ZNF462: variants seen among roughly 807,000 people sequenced by gnomAD.
ZNF462 encodes zinc finger protein 462, also known as zinc finger PBX1-interacting protein.
ZNF462 carries 10 observed loss-of-function variants against 201.9 expected under a neutral mutation model. The ratio of observed to expected loss-of-function variants is 0.05; its 90% confidence interval spans 0.03 to 0.08. The LOEUF (loss-of-function observed/expected upper bound fraction) is 0.08. Ranked by LOEUF, ZNF462 falls within the 10% of genes least tolerant of loss-of-function variation. The pLI is 1.00. For missense variants in ZNF462, 2,523 were observed against 3,168.3 expected (o/e 0.80, Z 4.89); for synonymous variants, 1,227 against 1,193.3 (o/e 1.03, Z -0.58).
chr9:106,991,509 T>G (rs1588171000), intron 10 of ZNF462, among the ~76,000 whole-genome samples: 1 of 151,902 alleles, frequency 6.6e-6, no homozygotes, highest in East Asian at 1.9e-4. Context: ...AAAATCCCAG[T>G]AGGCTTTTTG....
Position 106,938,892 on chromosome 9 carries a change from T to C in ZNF462, c.6236-24T>C. 6.3e-7 allele frequency: 1 copy of C among 1,582,438 alleles called. No individual in the cohort carries two copies. Among genetic ancestry groups the C allele is most frequent in the South Asian group, 1.2e-5 (1 of 84,688 alleles). ...CTTCTCCCCTCTTTTTCCTGTTCTA[T>C]TTCTTGTCACCATCCTCTTCCAGGT... On this transcript the variant is annotated intron_variant, in intron 6 of 12. Transcript: ENST00000277225. This position sits in a 1 kb window ranked among gnomAD's most constrained non-coding sequence, Gnocchi z 4.4.
In ZNF462 at chr9:106,929,094, C is replaced by T. The variant is rs1188520818; in HGVS notation, c.5182C>T (p.His1728Tyr). The T allele has an allele frequency of 1.9e-6, 3 of 1,614,048 alleles. No homozygotes were observed. In the African/African-American group the frequency reaches 4.0e-5, roughly 22 times the overall value. The change falls in exon 3 of 13, where the codon CAC (histidine) becomes TAC (tyrosine). Residue 1728 changes from histidine (H) to tyrosine (Y), a missense_variant. Physicochemically the swap from His to Tyr is moderately conservative, Grantham distance 83. Around this residue, in one of 15 missense-constraint regions of ZNF462, gnomAD observed 207 missense variants for 231.6 expected, o/e 0.89. Transcript: ENST00000277225. The surrounding 1 kb of genome is among the most constrained non-coding windows in gnomAD (Gnocchi z 8.7). ...KRHDIDAYYTHCLAASRTISD... is the reference protein window; with the variant it reads ...KRHDIDAYYTYCLAASRTISD... ...CCACGACATTGATGCGTATTACACT[C>T]ACTGCTTGGCAGCCTCCAGGACCAT...
Position 106,974,344 on chromosome 9 carries a change from T to C in ZNF462, c.6832+71T>C. 1 of 1,604,108 alleles carries C rather than the reference T, an allele frequency of 6.2e-7. No individual in the cohort carries two copies. Among genetic ancestry groups the C allele is most frequent in the Non-Finnish European group, 8.5e-7 (1 of 1,171,100 alleles). Reference sequence around the variant, plus strand: ...AGCAGAGATGGCCTTCTAGGGATGCTCTCTCAGAGTGGCAGTAGCACCTGT... The same window carrying C: ...AGCAGAGATGGCCTTCTAGGGATGCCCTCTCAGAGTGGCAGTAGCACCTGT... On this transcript the variant is annotated intron_variant, in intron 9 of 12. Coordinates refer to ENST00000277225, the MANE Select transcript of ZNF462 (RefSeq NM_021224.6). The surrounding 1 kb of genome is among the most constrained non-coding windows in gnomAD (Gnocchi z 4.0).
Position 106,920,110 on chromosome 9 carries a change from TTGA to T in ZNF462, c.-30-3240_-30-3238del, listed in dbSNP as rs1409374441. Among the ~76,000 whole-genome samples, 4 of 152,178 alleles carry T rather than the reference TTGA, an allele frequency of 2.6e-5. No individual in the cohort carries two copies. Among genetic ancestry groups the T allele is most frequent in the African/African-American group, 9.7e-5 (4 of 41,446 alleles). ...CTCTTAGGGTTGCTGCTCTTCGGGA[TTGA>T]TGAAGAAGATATGCAGAGCTTATTT... is the stretch of plus-strand genomic sequence containing the variant. On this transcript the variant is annotated intron_variant, in intron 1 of 12. Transcript: ENST00000277225. This position sits in a 1 kb window ranked among gnomAD's most constrained non-coding sequence, Gnocchi z 4.3.
chr9:106,862,381 G>T (rs967166152), upstream of ZNF462, among the ~76,000 whole-genome samples: 2 of 152,130 alleles, frequency 1.3e-5, no homozygotes, highest in Non-Finnish European at 2.9e-5. The surrounding 1 kb of genome is among the most constrained non-coding windows in gnomAD (Gnocchi z 4.2). Context: ...GAGCTGCCGG[G>T]CAGGGTCCTC....
At chr9:106,983,337 A>G (rs1564151236) in intron 9 of ZNF462, among the ~76,000 whole-genome samples, 1 of 152,204 alleles carries the variant, frequency 6.6e-6, no homozygotes, top group African/African-American at 2.4e-5. Context: ...CTAAAAAGAC[A>G]CAAATCCTCC....
chr9:106,944,584 G>A (rs1380398359), intron 7 of ZNF462, among the ~76,000 whole-genome samples: 2 of 152,140 alleles, frequency 1.3e-5, no homozygotes, highest in African/African-American at 4.8e-5. Flanking sequence ...AACATTCAAA[G>A]TCTGCTCTTT....
At chr9:106,973,919 A>G (rs533501821) in intron 8 of ZNF462, among the ~76,000 whole-genome samples, 16 of 152,202 alleles carry the variant, frequency 1.1e-4, no homozygotes, top group African/African-American at 3.4e-4. Context: ...CCCAGGGCAC[A>G]GTTTCCAGAA....
rs1351192935 is a variant in ZNF462, at chr9:106,929,277, C to T, written c.5365C>T (p.Arg1789Cys). ...KKGIVSHYMKRHPGVFPKKQH... is the reference protein window; with the variant it reads ...KKGIVSHYMKCHPGVFPKKQH... ...GGGCATCGTGTCCCATTACATGAAA[C>T]GCCACCCAGGGGTGTTCCCAAAGAA... Residue 1789 changes from arginine to cysteine, a missense_variant, in exon 3 of 13, where the codon CGC becomes TGC. Arg to Cys is a radical substitution (Grantham distance 180). Around this residue, in one of 15 missense-constraint regions of ZNF462, gnomAD observed 207 missense variants for 231.6 expected, o/e 0.89. Coordinates refer to ENST00000277225, the MANE Select transcript of ZNF462 (RefSeq NM_021224.6). This position sits in a 1 kb window ranked among gnomAD's most constrained non-coding sequence, Gnocchi z 8.7. 5 of 1,614,036 alleles carry T rather than the reference C, an allele frequency of 3.1e-6. No homozygotes were observed. Among genetic ancestry groups the T allele is most frequent in the Non-Finnish European group, 8.5e-7 (1 of 1,180,044 alleles).
chr9:106,989,871 G>A (rs528149876), intron 10 of ZNF462, among the ~76,000 whole-genome samples: 3 of 152,204 alleles, frequency 2.0e-5, no homozygotes, highest in South Asian at 2.1e-4. Context: ...TATTTCTGTG[G>A]TGTCAGTTGT....
chr9:106,926,330 C>T lies in ZNF462; in HGVS notation c.2418C>T (p.Asn806=), dbSNP rs778713850. 3.0e-5 allele frequency: 48 copies of T among 1,614,092 alleles called. No homozygotes were observed. The highest frequency in any genetic ancestry group is 3.9e-5 in the Non-Finnish European group (46 of 1,180,022). Residue 806 remains asparagine (N), a synonymous_variant, in exon 3 of 13, where the codon AAC becomes AAT. Transcript: ENST00000277225. This position sits in a 1 kb window ranked among gnomAD's most constrained non-coding sequence, Gnocchi z 7.9. The stretch of plus-strand genomic sequence containing the variant: ...AGGATTATTATGGCTCCTCAACAAA[C>T]TTGAAAGATCACCAAGTTTCCAATA... ...DEEDYYGSST[N]LKDHQVSNTA...
chr9:106,927,660 G>A lies in ZNF462; in HGVS notation c.3748G>A (p.Val1250Ile), dbSNP rs149278729. 2.0e-5 allele frequency: 33 copies of A among 1,613,956 alleles called. No individual in the cohort carries two copies. The African/African-American group carries it at 4.0e-4, about 20-fold the overall frequency. ...GAAGAAGCCTGCCAGCTGCGTGCTT[G>A]TCTCCCCCTCTAATCTGGAGCGGGA... is the stretch of plus-strand genomic sequence containing the variant. ...NQKKPASCVL[V>I]SPSNLERDKT... is the part of the protein sequence containing the mutation. The change falls in exon 3 of 13, where the codon GTC (valine) becomes ATC (isoleucine). Residue 1250 changes from valine to isoleucine, a missense_variant. Physicochemically the swap from Val to Ile is conservative, Grantham distance 29. Transcript: ENST00000277225.
rs2132052144 is a variant in ZNF462 at position 106,972,983 on chromosome 9, C to G, written c.6695+711C>G. Among the ~76,000 whole-genome samples, 1 of 152,126 alleles carries G rather than the reference C, an allele frequency of 6.6e-6. No homozygotes were observed. ...GTGGAGCCTGACTACCTGGGTGATT[C>G]TGGACAAGTCACTAAGACACTATCT... is the stretch of plus-strand genomic sequence containing the variant. On this transcript the variant is annotated intron_variant, in intron 8 of 12. Transcript: ENST00000277225. The surrounding 1 kb of genome is among the most constrained non-coding windows in gnomAD (Gnocchi z 4.8).
chr9:106,922,037 T>C (rs1487183726), intron 1 of ZNF462, among the ~76,000 whole-genome samples: 1 of 152,236 alleles, frequency 6.6e-6, no homozygotes, highest in Non-Finnish European at 1.5e-5. Flanking sequence ...AGGAGCATTC[T>C]TTGATAGAAA....
chr9:106,935,708 G>A lies in ZNF462; in HGVS notation c.6235+87G>A. On this transcript the variant is annotated intron_variant, in intron 6 of 12. Coordinates refer to ENST00000277225, the MANE Select transcript of ZNF462 (RefSeq NM_021224.6). This position sits in a 1 kb window ranked among gnomAD's most constrained non-coding sequence, Gnocchi z 4.1. ...TCTTTATTGAGTGAAATACTGTCCTGCCTTACACTTGAGAATGTTATTCTT... is the reference window on the plus strand; with the variant it reads ...TCTTTATTGAGTGAAATACTGTCCTACCTTACACTTGAGAATGTTATTCTT... The A allele has an allele frequency of 5.0e-6, 5 of 993,620 alleles. No homozygotes were observed. The South Asian group carries it at 8.2e-5, about 16-fold the overall frequency. 61.6% of individuals were successfully genotyped at this position (993,620 alleles called of 1,614,324 possible). A position where few individuals can be genotyped will look rare whatever the true frequency, so the allele number is the denominator to read the frequency against.
intron 1 of ZNF462, among the ~76,000 whole-genome samples, chr9:106,900,477 C>G (rs568077057): frequency 6.6e-6 from 1 of 152,228 alleles, no homozygotes; most frequent in African/African-American, 2.4e-5. Flanking sequence ...CTGTTTTCCA[C>G]AGTGGTTGTA....
At position 106,978,475 on chromosome 9, in the gene ZNF462, A is replaced by G. The variant is rs74488748; in HGVS notation, c.6832+4202A>G. On this transcript the variant is annotated intron_variant, in intron 9 of 12. Transcript: ENST00000277225. The surrounding 1 kb of genome is among the most constrained non-coding windows in gnomAD (Gnocchi z 4.1). ...CAGGTTACTGATGAGACACTTATTG[A>G]ATACTAATTTAGCAAAGGTTGAAGC... Among the ~76,000 whole-genome samples, 3,479 of 151,624 alleles carry G rather than the reference A, an allele frequency of 0.023. 285 individuals carry two copies. The highest frequency in any genetic ancestry group is 0.08 in the African/African-American group (3,252 of 40,902).
At position 106,972,506 on chromosome 9, in the gene ZNF462, A is replaced by G. The variant is rs1041266799; in HGVS notation, c.6695+234A>G. Among the ~76,000 whole-genome samples the G allele has an allele frequency of 6.6e-6, 1 of 152,196 alleles. No individual in the cohort carries two copies. Among genetic ancestry groups the G allele is most frequent in the Non-Finnish European group, 1.5e-5 (1 of 68,042 alleles). On this transcript the variant is annotated intron_variant, in intron 8 of 12. Coordinates refer to ENST00000277225, the MANE Select transcript of ZNF462 (RefSeq NM_021224.6). This position sits in a 1 kb window ranked among gnomAD's most constrained non-coding sequence, Gnocchi z 4.8. ...ACAAATGAGTTTTAAAATTGGAGCA[A>G]ATGGGCTCTCAAGTAGTGTAAGATT...
In ZNF462 at chr9:106,872,484, T is replaced by C. The variant is rs1243148139; in HGVS notation, c.-31+9129T>C. Reference sequence around the variant, plus strand: ...TTCAAGCAATTCTCCTGACTCAGCCTCCCAAGTAGCTGGGACTACAGGCAC... The same window carrying C: ...TTCAAGCAATTCTCCTGACTCAGCCCCCCAAGTAGCTGGGACTACAGGCAC... On this transcript the variant is annotated intron_variant, in intron 1 of 12. Transcript: ENST00000277225. The surrounding 1 kb of genome is among the most constrained non-coding windows in gnomAD (Gnocchi z 4.5). Among the ~76,000 whole-genome samples the C allele has an allele frequency of 6.6e-6, 1 of 152,194 alleles. No individual in the cohort carries two copies. The highest frequency in any genetic ancestry group is 1.5e-5 in the Non-Finnish European group (1 of 68,024).
Sources: gnomAD v4.1 joint callset for allele counts (sites outside exome capture counted in the v4.1 genomes callset) on GRCh38, gnomAD v4.1.1 for gene constraint, gnomAD v4.1.1 regional missense constraint, Gnocchi (gnomAD v3.1) non-coding constraint, MANE v1.5 for transcripts, NCBI Gene and HGNC (gene_info 2026-07-23, HGNC 2026-07-21) for gene names.